EPS15L1: variants seen among roughly 807,000 people sequenced by gnomAD.
The protein encoded by EPS15L1 is epidermal growth factor receptor pathway substrate 15 like 1, also known as epidermal growth factor receptor substrate 15-like 1.
In EPS15L1, 43 loss-of-function variants were observed where a neutral mutation model predicts 117.1. The observed-to-expected ratio is 0.37, with a 90% CI of 0.29 to 0.47. EPS15L1 has a LOEUF of 0.47. EPS15L1 is among the 20% of genes least tolerant of loss of function. The pLI is 0.99. For missense variants in EPS15L1, 981 were observed against 1,164.0 expected (o/e 0.84, Z 2.29); for synonymous variants, 459 against 470.5 (o/e 0.98, Z 0.32).
At chr19:16,437,922 G>T in intron 4 of EPS15L1, 57 bp from the exon 5 acceptor site, 1 of 1,348,710 alleles carries the variant, frequency 7.4e-7, no homozygotes, top group Non-Finnish European at 1.1e-6. Context: ...AGGGTAGGGG[G>T]AGCTGTCTCT....
In EPS15L1 at chr19:16,355,537, ATG is replaced by A; in HGVS notation, c.*166_*167del. ...GCCTCTGTAAGGGCTTCCCCAGGAG[ATG>A]TGACCTTTCCAGGTCTTGCAGCCGA... On this transcript the variant is annotated 3_prime_UTR_variant, in exon 24 of 24. Coordinates refer to ENST00000455140, the MANE Select transcript of EPS15L1 (RefSeq NM_001258374.3). 1.2e-6 allele frequency: 1 copy of A among 824,302 alleles called. No individual in the cohort carries two copies. The allele number at this position is 824,302 out of a possible 1,614,324, so 51.1% of individuals were successfully genotyped here. A position where few individuals can be genotyped will look rare whatever the true frequency, so the allele number is the denominator to read the frequency against.
chr19:16,359,207 G>T (rs1230258398), intron 23 of EPS15L1, among the ~76,000 whole-genome samples: 1 of 152,186 alleles, frequency 6.6e-6, no homozygotes, highest in Non-Finnish European at 1.5e-5. Context: ...CTGCCAATCT[G>T]CCGGGCAGTC....
chr19:16,355,468 G>C lies in EPS15L1; in HGVS notation c.*237C>G, dbSNP rs1298696318. 1 of 499,678 alleles carries C rather than the reference G, an allele frequency of 2.0e-6. No individual in the cohort carries two copies. Among genetic ancestry groups the C allele is most frequent in the African/African-American group, 1.9e-5 (1 of 52,262 alleles). 31.0% of individuals were successfully genotyped at this position (499,678 alleles called of 1,614,324 possible). On this transcript the variant is annotated 3_prime_UTR_variant, in exon 24 of 24. Coordinates refer to ENST00000455140, the MANE Select transcript of EPS15L1 (RefSeq NM_001258374.3). Reference sequence around the variant, plus strand: ...AGCGGGAGGCAGTCAGCCCCGGGGGGGATGGCACAGTGGAGAGACGGACCT... The same window carrying C: ...AGCGGGAGGCAGTCAGCCCCGGGGGCGATGGCACAGTGGAGAGACGGACCT...
intron 12 of EPS15L1, 63 bp from the exon 13 acceptor site, chr19:16,413,908 G>A: frequency 1.6e-6 from 2 of 1,284,886 alleles, no homozygotes; most frequent in Non-Finnish European, 1.1e-6. Flanking sequence ...CCCTTCCCAA[G>A]GCCTGATTCT....
chr19:16,431,429 G>A (rs966015885), intron 7 of EPS15L1, among the ~76,000 whole-genome samples: 19 of 151,148 alleles, frequency 1.3e-4, no homozygotes, highest in African/African-American at 3.9e-4. Flanking sequence ...TCAGCTTCCC[G>A]AGTCGCTGGG....
chr19:16,425,455 G>T, intron 8 of EPS15L1, 139 bp from the exon 9 acceptor site: 2 of 652,050 alleles, frequency 3.1e-6, no homozygotes, highest in Non-Finnish European at 5.6e-6. Context: ...AGAGTGAAAA[G>T]AAATCATTCC....
rs1027913421 is a variant in EPS15L1, at chr19:16,412,707, G to A, written c.1266+1066C>T. On this transcript the variant is annotated intron_variant, in intron 13 of 23. Transcript: ENST00000455140. Reference sequence around the variant, plus strand: ...GAATGGCGGATGACACCGGTGCAGCGGGGGGTGGGGGGGGGGGGGGTGTCA... The same window carrying A: ...GAATGGCGGATGACACCGGTGCAGCAGGGGGTGGGGGGGGGGGGGGTGTCA... The A allele has an allele frequency of 4.5e-4, 43 of 95,304 alleles. 1 individual carries two copies. The highest frequency in any genetic ancestry group is 3.8e-4 in the East Asian group (1 of 2,656). 5.9% of individuals were successfully genotyped at this position (95,304 alleles called of 1,614,324 possible).
intron 17 of EPS15L1, 114 bp downstream of exon 17, chr19:16,395,230 T>G: frequency 9.8e-7 from 1 of 1,023,748 alleles, no homozygotes; most frequent in Non-Finnish European, 1.4e-6. Flanking sequence ...GGCATTCCTT[T>G]CCCCCTCCAT....
chr19:16,364,079 A>G (rs1173215890), intron 22 of EPS15L1, among the ~76,000 whole-genome samples: 1 of 152,128 alleles, frequency 6.6e-6, no homozygotes, highest in South Asian at 2.1e-4. Context: ...AGTCCATCTA[A>G]GAGGCTCCTC....
chr19:16,466,058 G>A (rs528140279), intron 1 of EPS15L1, among the ~76,000 whole-genome samples: 3 of 148,316 alleles, frequency 2.0e-5, no homozygotes, highest in East Asian at 4.0e-4. Context: ...GTGCAATCTC[G>A]GCTCACTGCA....
chr19:16,457,121 C>T (rs1037420191), intron 1 of EPS15L1, among the ~76,000 whole-genome samples: 2 of 152,220 alleles, frequency 1.3e-5, no homozygotes, highest in Non-Finnish European at 2.9e-5. Context: ...TGCAGCGACT[C>T]ACAATGCAGA....
chr19:16,363,097 G>T (rs2092081723), intron 22 of EPS15L1, among the ~76,000 whole-genome samples: 1 of 151,962 alleles, frequency 6.6e-6, no homozygotes, highest in South Asian at 2.1e-4. Context: ...GCTTGGTGAC[G>T]GGAGGTCCCA....
chr19:16,460,658 G>A (rs574179648), intron 1 of EPS15L1, among the ~76,000 whole-genome samples: 11 of 152,270 alleles, frequency 7.2e-5, no homozygotes, highest in South Asian at 2.1e-4. Flanking sequence ...CAGAAGCCTC[G>A]ACCCACAGAG....
In EPS15L1 at chr19:16,434,441, A is replaced by T; in HGVS notation, c.422T>A (p.Ile141Asn). 6.2e-7 allele frequency: 1 copy of T among 1,614,154 alleles called. No homozygotes were observed. Among genetic ancestry groups the T allele is most frequent in the Non-Finnish European group, 8.5e-7 (1 of 1,180,016 alleles). Residue 141 changes from isoleucine (I) to asparagine (N), a missense_variant, in exon 7 of 24, where the codon ATC becomes AAC. Ile to Asn is a moderately radical substitution (Grantham distance 149). Coordinates refer to ENST00000455140, the MANE Select transcript of EPS15L1 (RefSeq NM_001258374.3). ...TTTGTCTCCAGAGAGCAAACCATTG[A>T]TGGGCAAGAGGCTTTCAAAAATCCC... ...FDGIFESLLP[I>N]NGLLSGDKVK... is the part of the protein sequence containing the mutation.
intron 9 of EPS15L1, among the ~76,000 whole-genome samples, chr19:16,423,010 A>T (rs959857777): frequency 3.3e-5 from 5 of 152,018 alleles, no homozygotes. Context: ...CAGTGTTGAC[A>T]ACCCGAAGAT....
rs2092731321 is a variant in EPS15L1 at position 16,413,852 on chromosome 19, G to A, written c.1194-7C>T. ...TTCCAGTGAATATTTCTCTCTGAAT[G>A]TTTAAAAATATTTCATGAAAACAAG... On this transcript the variant is annotated splice_region_variant and splice_polypyrimidine_tract_variant and intron_variant, in intron 12 of 23. Transcript: ENST00000455140. 1 of 1,606,078 alleles carries A rather than the reference G, an allele frequency of 6.2e-7. No homozygotes were observed. The highest frequency in any genetic ancestry group is 8.5e-7 in the Non-Finnish European group (1 of 1,172,754).
At chr19:16,444,787 C>T (rs572303370) in intron 1 of EPS15L1, among the ~76,000 whole-genome samples, 11 of 149,666 alleles carry the variant, frequency 7.3e-5, no homozygotes, top group South Asian at 2.1e-4. Context: ...AGAGCAGTGG[C>T]GCAATCTCAG....
At position 16,404,693 on chromosome 19, in the gene EPS15L1, C is replaced by T. The variant is rs1442691139; in HGVS notation, c.1323G>A (p.Gln441=). Reference sequence around the variant, plus strand: ...CCAGGCGGTCTTGAGCATCCTGTTTCTGAGCCTCGAGCTCCTGCAAACTGC... The same window carrying T: ...CCAGGCGGTCTTGAGCATCCTGTTTTTGAGCCTCGAGCTCCTGCAAACTGC... The part of the protein sequence containing the change: ...ETSSLQELEA[Q]KQDAQDRLDE... The change falls in exon 14 of 24, where the codon CAG becomes CAA. Residue 441 remains glutamine (Q), a synonymous_variant. Coordinates refer to ENST00000455140, the MANE Select transcript of EPS15L1 (RefSeq NM_001258374.3). This position sits in a 1 kb window ranked among gnomAD's most constrained non-coding sequence, Gnocchi z 4.2. 1 of 1,614,236 alleles carries T rather than the reference C, an allele frequency of 6.2e-7. No homozygotes were observed. Among genetic ancestry groups the T allele is most frequent in the South Asian group, 1.1e-5 (1 of 91,084 alleles).
chr19:16,375,327 G>A (rs2092281066), intron 22 of EPS15L1, among the ~76,000 whole-genome samples: 1 of 152,270 alleles, frequency 6.6e-6, no homozygotes, highest in Non-Finnish European at 1.5e-5. Context: ...CGTGGAGGAT[G>A]TGTGTACACA....
Sources: gnomAD v4.1 joint callset for allele counts (sites outside exome capture counted in the v4.1 genomes callset) on GRCh38, gnomAD v4.1.1 for gene constraint, Gnocchi (gnomAD v3.1) non-coding constraint, MANE v1.5 for transcripts, NCBI Gene and HGNC (gene_info 2026-07-23, HGNC 2026-07-21) for gene names.